RELL1: variants seen among roughly 807,000 people sequenced by gnomAD.
The protein encoded by RELL1 is RELT-like protein 1.
RELL1 carries 10 observed loss-of-function variants against 23.0 expected under a neutral mutation model. The ratio of observed to expected loss-of-function variants is 0.43; its 90% confidence interval spans 0.27 to 0.74. The LOEUF (loss-of-function observed/expected upper bound fraction) is 0.74. RELL1 is among the 30% of genes least tolerant of loss of function. RELL1 has a pLI of 0.19. For synonymous variants in RELL1, 146 were observed against 146.8 expected, an observed-to-expected ratio of 0.99 and a Z score of 0.04; for missense variants, 315 against 364.4, an observed-to-expected ratio of 0.86 and a Z score of 1.10.
chr4:37,624,709 G>A (rs1053936541), intron 6 of RELL1, among the ~76,000 whole-genome samples: 10 of 152,050 alleles, frequency 6.6e-5, no homozygotes, highest in African/African-American at 1.9e-4. Flanking sequence ...GATTACAGGC[G>A]TGAGCCACCG....
intron 6 of RELL1, chr4:37,623,056 G>T (rs1719825112): frequency 3.0e-6 from 1 of 338,186 alleles, no homozygotes; most frequent in Non-Finnish European, 5.8e-6. Flanking sequence ...GCCCACCTTG[G>T]CCTCCCAAAG....
chr4:37,678,594 T>C (rs1386624683), intron 1 of RELL1, among the ~76,000 whole-genome samples: 1 of 152,180 alleles, frequency 6.6e-6, no homozygotes, highest in Non-Finnish European at 1.5e-5. Flanking sequence ...ACCCCTCAAG[T>C]AATGGCAGAG....
downstream of RELL1, among the ~76,000 whole-genome samples, chr4:37,609,730 C>T (rs1329548457): frequency 6.6e-6 from 1 of 152,178 alleles, no homozygotes; most frequent in African/African-American, 2.4e-5. Flanking sequence ...TGGAGGAAGT[C>T]ACTGCAGATG....
chr4:37,668,671 C>T (rs1416377466), intron 1 of RELL1, among the ~76,000 whole-genome samples: 1 of 151,902 alleles, frequency 6.6e-6, no homozygotes, highest in East Asian at 2.0e-4. Flanking sequence ...CTCTGCCTGG[C>T]CGCCCATCGT....
chr4:37,616,170 TAAGCAC>T (rs2109236715), intron 6 of RELL1, among the ~76,000 whole-genome samples: 1 of 152,346 alleles, frequency 6.6e-6, no homozygotes, highest in Admixed American at 6.5e-5. Context: ...ACTGTCATGC[TAAGCAC>T]TCTAGGGTCA....
intron 6 of RELL1, among the ~76,000 whole-genome samples, chr4:37,598,060 GTAATATATATATATCA>G (rs1022893207): frequency 1.8e-4 from 17 of 92,370 alleles, no homozygotes; most frequent in Non-Finnish European, 2.3e-4. Flanking sequence ...AAAATGATAT[GTAATATATATATATCA>G]TAATATATAT....
At position 37,683,858 on chromosome 4, in the gene RELL1, G is replaced by T. The variant is rs185751643; in HGVS notation, c.88+2342C>A. On this transcript the variant is annotated intron_variant, in intron 1 of 6. Coordinates refer to ENST00000454158, the MANE Select transcript of RELL1 (RefSeq NM_001085400.2). Reference sequence around the variant, plus strand: ...GCACTTTGGGAGGCCAAGGTGGGCGGATCACGAGGTCAGGAGATGGAGACC... The same window carrying T: ...GCACTTTGGGAGGCCAAGGTGGGCGTATCACGAGGTCAGGAGATGGAGACC... Among the ~76,000 whole-genome samples, 887 of 152,024 alleles carry T rather than the reference G, an allele frequency of 5.8e-3. 7 individuals carry two copies. The highest frequency in any genetic ancestry group is 0.01 in the Middle Eastern group (3 of 294).
At chr4:37,679,899 C>A (rs1487523440) in intron 1 of RELL1, among the ~76,000 whole-genome samples, 2 of 151,904 alleles carry the variant, frequency 1.3e-5, no homozygotes, top group Middle Eastern at 3.4e-3. Context: ...TTGCAGTGAC[C>A]CGAGATCACA....
In RELL1 at chr4:37,593,355, C is replaced by T. The variant is rs144654283; in HGVS notation, c.*4-2138G>A. Among the ~76,000 whole-genome samples, 326 of 152,246 alleles carry T rather than the reference C, an allele frequency of 2.1e-3. 1 individual carries two copies. The highest frequency in any genetic ancestry group is 7.3e-3 in the African/African-American group (302 of 41,542). On this transcript the variant is annotated intron_variant, in intron 6 of 6. Coordinates refer to the RELL1 transcript ENST00000314117. Reference sequence around the variant, plus strand: ...GTATCAATGACCCACATATCAATGACCCACGTATCAATGACCCGCATATGA... The same window carrying T: ...GTATCAATGACCCACATATCAATGATCCACGTATCAATGACCCGCATATGA...
intron 6 of RELL1, among the ~76,000 whole-genome samples, chr4:37,603,803 C>CT (rs1337019241): frequency 2.6e-4 from 39 of 151,966 alleles, no homozygotes; most frequent in African/African-American, 8.2e-4. Context: ...GTGCTGGTTG[C>CT]TTTTTTTTGT....
chr4:37,597,946 G>A (rs1718910930), intron 6 of RELL1, among the ~76,000 whole-genome samples: 1 of 151,736 alleles, frequency 6.6e-6, no homozygotes, highest in East Asian at 1.9e-4. Flanking sequence ...AGCTACTTGG[G>A]AGGCTGAGGC....
At chr4:37,663,693 A>G (rs1721433747) in intron 1 of RELL1, among the ~76,000 whole-genome samples, 1 of 152,210 alleles carries the variant, frequency 6.6e-6, no homozygotes. Flanking sequence ...GTAGGAGGAC[A>G]GGATCCAACC....
chr4:37,591,045 A>T (rs777508193), exon 7 of RELL1: 2 of 1,514,408 alleles, frequency 1.3e-6, no homozygotes, highest in Admixed American at 1.9e-5. Context: ...CATGCTGAGC[A>T]TGCAGATGCA....
intron 6 of RELL1, among the ~76,000 whole-genome samples, chr4:37,598,095 A>ATAT (rs1174324006): frequency 7.0e-6 from 1 of 143,450 alleles, no homozygotes; most frequent in Admixed American, 7.0e-5. Context: ...ATATATATAT[A>ATAT]ACTCCTCCTA....
chr4:37,619,225 C>T (rs1034332801), intron 6 of RELL1, among the ~76,000 whole-genome samples: 10 of 151,132 alleles, frequency 6.6e-5, no homozygotes, highest in East Asian at 2.0e-4. Context: ...CTCTGTCACC[C>T]GGGCTGGAGT....
At position 37,679,099 on chromosome 4, in the gene RELL1, A is replaced by G. The variant is rs533292056; in HGVS notation, c.88+7101T>C. On this transcript the variant is annotated intron_variant, in intron 1 of 6. Coordinates refer to ENST00000454158, the MANE Select transcript of RELL1 (RefSeq NM_001085400.2). Reference sequence around the variant, plus strand: ...AACAGGTTTGGCAAAAGGATCCCCAAGGTAAGATGTCCGGCCCCTCTACCC... The same window carrying G: ...AACAGGTTTGGCAAAAGGATCCCCAGGGTAAGATGTCCGGCCCCTCTACCC... Among the ~76,000 whole-genome samples, 24 of 152,326 alleles carry G rather than the reference A, an allele frequency of 1.6e-4. No individual in the cohort carries two copies. In the South Asian group the frequency reaches 4.3e-3, roughly 28 times the overall value.
At chr4:37,669,190 G>GGGA (rs1412989556) in intron 1 of RELL1, among the ~76,000 whole-genome samples, 1 of 130,770 alleles carries the variant, frequency 7.6e-6, no homozygotes, top group African/African-American at 3.4e-5. Flanking sequence ...GTGGGGGGGG[G>GGGA]GGTCAGCCCC....
chr4:37,617,326 T>C (rs554949267), intron 6 of RELL1, among the ~76,000 whole-genome samples: 1 of 152,290 alleles, frequency 6.6e-6, no homozygotes, highest in East Asian at 1.9e-4. Context: ...AGTACTAATG[T>C]TTTTCAACTG....
At chr4:37,605,842 A>AGAAAGAAAGAAAGAAAGAAG (rs1560324772), downstream of RELL1, among the ~76,000 whole-genome samples, 1 of 117,470 alleles carries the variant, frequency 8.5e-6, no homozygotes, top group Admixed American at 8.1e-5. Flanking sequence ...AAAGAAAGAA[A>AGAAAGAAAGAAAGAAAGAAG]GAAGGAAAAG....
Sources: gnomAD v4.1 joint callset for allele counts (sites outside exome capture counted in the v4.1 genomes callset) on GRCh38, gnomAD v4.1.1 for gene constraint, MANE v1.5 for transcripts, NCBI Gene and HGNC (gene_info 2026-07-23, HGNC 2026-07-21) for gene names.